UNC13C: variants seen among roughly 807,000 people sequenced by gnomAD.
UNC13C encodes unc-13 homolog C, also known as protein unc-13 homolog C.
UNC13C carries 174 observed loss-of-function variants against 245.4 expected under a neutral mutation model. The observed-to-expected ratio is 0.71, with a 90% CI of 0.63 to 0.80. The LOEUF (loss-of-function observed/expected upper bound fraction) is 0.80, where lower values mean the gene tolerates loss of function less well. UNC13C is among the 30% of genes least tolerant of loss of function. The pLI, the probability that UNC13C is intolerant of heterozygous loss-of-function variation, is 0.00. For synonymous variants in UNC13C, 992 were observed against 895.1 expected, an observed-to-expected ratio of 1.11 and a Z score of -1.93; for missense variants, 2,829 against 2,602.9, an observed-to-expected ratio of 1.09 and a Z score of -1.89.
chr15:54,464,954 A>G (rs917611005), intron 19 of UNC13C, among the ~76,000 whole-genome samples: 1 of 151,920 alleles, frequency 6.6e-6, no homozygotes, highest in Non-Finnish European at 1.5e-5. Flanking sequence ...AGCCCCAATG[A>G]TTATAGAAGT....
At chr15:54,545,548 A>G (rs949359803) in intron 26 of UNC13C, among the ~76,000 whole-genome samples, 1 of 152,194 alleles carries the variant, frequency 6.6e-6, no homozygotes, top group Non-Finnish European at 1.5e-5. Context: ...CAATATATCC[A>G]TCTGGGCTAA....
chr15:53,868,381 T>C, the UNC13C span, among the ~76,000 whole-genome samples: 1 of 152,178 alleles, frequency 6.6e-6, no homozygotes, highest in African/African-American at 2.4e-5. Context: ...AAAGGACTAA[T>C]TTAAGCAAAT....
rs577716451 is a variant in UNC13C, at chr15:54,492,916, G to T, written c.4934-1692G>T. On this transcript the variant is annotated intron_variant, in intron 19 of 32. Coordinates refer to ENST00000260323, the MANE Select transcript of UNC13C (RefSeq NM_001080534.3). ...AAAATGTTTCTCTGGGTCTTAGAGG[G>T]TGTTAATCATAAGAGTAGGTGGTGT... Among the ~76,000 whole-genome samples, 5 of 152,272 alleles carry T rather than the reference G, an allele frequency of 3.3e-5. No individual in the cohort carries two copies. The East Asian group carries it at 9.7e-4, about 29-fold the overall frequency.
At chr15:54,093,948 G>A (rs4776204) in intron 2 of UNC13C, among the ~76,000 whole-genome samples, 41,616 of 150,290 alleles carry the variant, frequency 0.28, 6,261 homozygotes, top group East Asian at 0.36. Context: ...TTGGACTGTG[G>A]GGAGCATAAT....
At chr15:54,574,020 C>T (rs8042341) in intron 30 of UNC13C, among the ~76,000 whole-genome samples, 49,746 of 151,974 alleles carry the variant, frequency 0.33, 8,522 homozygotes, top group East Asian at 0.54. Flanking sequence ...TACGTACTTG[C>T]GCTCTTATTT....
At chr15:54,432,478 A>G (rs2040891578) in intron 19 of UNC13C, among the ~76,000 whole-genome samples, 1 of 152,010 alleles carries the variant, frequency 6.6e-6, no homozygotes, top group Non-Finnish European at 1.5e-5. Context: ...TGGAAACTGA[A>G]CAACCTGCTC....
At chr15:54,580,248 G>T (rs181196655) in intron 30 of UNC13C, among the ~76,000 whole-genome samples, 1 of 152,210 alleles carries the variant, frequency 6.6e-6, no homozygotes, top group African/African-American at 2.4e-5. Context: ...GCTGATTTCT[G>T]AGCGAAGATG....
chr15:54,218,176 C>T (rs2035100653), intron 4 of UNC13C, among the ~76,000 whole-genome samples: 1 of 151,900 alleles, frequency 6.6e-6, no homozygotes, highest in Non-Finnish European at 1.5e-5. Context: ...CCAGTTCAAC[C>T]AAAAAGTAGG....
Position 54,582,139 on chromosome 15 carries a change from A to G in UNC13C, c.6106+14192A>G, listed in dbSNP as rs568275969. On this transcript the variant is annotated intron_variant, in intron 30 of 32. Transcript: ENST00000260323. ...AGAAGGCCTTTTGGAAAACAGTTTC[A>G]TAGTTCAGGTGTTCACATTCTAAGT... Among the ~76,000 whole-genome samples, 7 of 152,310 alleles carry G rather than the reference A, an allele frequency of 4.6e-5. 1 individual carries two copies. The highest frequency in any genetic ancestry group is 1.7e-4 in the African/African-American group (7 of 41,572).
intron 2 of UNC13C, among the ~76,000 whole-genome samples, chr15:54,094,614 A>G (rs896147195): frequency 1.6e-4 from 24 of 152,174 alleles, no homozygotes; most frequent in Admixed American, 1.6e-3. Flanking sequence ...CTTAGATGAC[A>G]ACTTGAGCAG....
At position 54,622,398 on chromosome 15, in the gene UNC13C, G is replaced by C; in HGVS notation, c.6178G>C (p.Asp2060His). The C allele has an allele frequency of 6.2e-7, 1 of 1,613,042 alleles. No individual in the cohort carries two copies. The highest frequency in any genetic ancestry group is 8.5e-7 in the Non-Finnish European group (1 of 1,179,284). ...VDITATPGTG[D>H]HKVTVKVIAI... ...CATCACTGCCACCCCAGGAACGGGAGATCATAAAGTCACTGTAAAAGGTAT... is the reference window on the plus strand; with the variant it reads ...CATCACTGCCACCCCAGGAACGGGACATCATAAAGTCACTGTAAAAGGTAT... The change falls in exon 31 of 33, where the codon GAT becomes CAT. Residue 2060 changes from aspartate to histidine, a missense_variant. Transcript: ENST00000260323.
intron 2 of UNC13C, among the ~76,000 whole-genome samples, chr15:54,069,281 C>T (rs147995922): frequency 6.6e-6 from 1 of 152,244 alleles, no homozygotes; most frequent in African/African-American, 2.4e-5. Flanking sequence ...GGCTAAATCC[C>T]TTTTTGTGCA....
chr15:54,411,815 G>C (rs75030883), intron 18 of UNC13C, among the ~76,000 whole-genome samples: 4,688 of 152,016 alleles, frequency 0.031, 186 homozygotes, highest in Admixed American at 0.12. Context: ...GAATCAGTTT[G>C]TTAATTTCCA....
At chr15:54,050,176 T>G in intron 2 of UNC13C, 2 of 467,514 alleles carry the variant, frequency 4.3e-6, no homozygotes, top group Admixed American at 4.4e-5. Flanking sequence ...TTCACCATGT[T>G]GGCCAGGCTA....
At chr15:54,077,687 G>T (rs1225217478) in intron 2 of UNC13C, among the ~76,000 whole-genome samples, 1 of 151,446 alleles carries the variant, frequency 6.6e-6, no homozygotes, top group African/African-American at 2.4e-5. Context: ...TTCTCAAATT[G>T]GCACAAATAG....
intron 4 of UNC13C, among the ~76,000 whole-genome samples, chr15:54,146,318 C>T (rs1040064946): frequency 2.6e-5 from 4 of 152,250 alleles, no homozygotes; most frequent in African/African-American, 2.4e-5. Flanking sequence ...TCGCCATCCC[C>T]AATCAGTTGA....
chr15:54,058,913 G>T (rs9744992), intron 2 of UNC13C, among the ~76,000 whole-genome samples: 104,554 of 152,010 alleles, frequency 0.69, 36,302 homozygotes, highest in African/African-American at 0.77. Context: ...ATTCAACAAC[G>T]CTTCATGCTA....
At chr15:54,592,828 A>G (rs530315694) in intron 30 of UNC13C, among the ~76,000 whole-genome samples, 52 of 145,158 alleles carry the variant, frequency 3.6e-4, no homozygotes, top group Admixed American at 1.7e-3. Flanking sequence ...TATTGCATTC[A>G]TCATGCTCGT....
the UNC13C span, among the ~76,000 whole-genome samples, chr15:53,846,955 G>GACC: frequency 1.3e-5 from 2 of 152,138 alleles, no homozygotes; most frequent in Admixed American, 1.3e-4. Context: ...GTCTCACAGT[G>GACC]TAGGGCCCAA....
Sources: allele counts gnomAD v4.1 joint callset (sites outside exome capture counted in the v4.1 genomes callset), GRCh38; gene constraint gnomAD v4.1.1; transcripts MANE v1.5; gene names NCBI Gene and HGNC (gene_info 2026-07-23, HGNC 2026-07-21).